The following ZNF776 variants were observed in gnomAD, a reference collection of about 807,000 sequenced individuals.
The protein encoded by ZNF776 is zinc finger protein 776.
In ZNF776, 4 loss-of-function variants were observed where a neutral mutation model predicts 7.0. The ratio of observed to expected loss-of-function variants is 0.57; its 90% confidence interval spans 0.28 to 1.31. The LOEUF (loss-of-function observed/expected upper bound fraction) is 1.31. Among genes scored for constraint, ZNF776 ranks in the 50% most tolerant of loss-of-function variants. ZNF776 has a pLI of 0.10. For synonymous variants in ZNF776, 212 were observed against 213.7 expected (o/e 0.99, Z 0.07); for missense variants, 555 against 625.9 (o/e 0.89, Z 1.21).
chr19:57,749,642 T>C (rs966955863), intron 1 of ZNF776, among the ~76,000 whole-genome samples: 8 of 152,190 alleles, frequency 5.3e-5, no homozygotes, highest in African/African-American at 1.7e-4. Context: ...CACTAGGCTC[T>C]TTTAGATAAT....
intron 2 of ZNF776, among the ~76,000 whole-genome samples, chr19:57,751,682 G>T (rs1489168303): frequency 3.1e-4 from 43 of 138,074 alleles, no homozygotes; most frequent in East Asian, 1.9e-3. Context: ...TTGCTTTTTT[G>T]TTTTTTTTTT....
Position 57,754,724 on chromosome 19 carries a change from A to T in ZNF776, c.*37A>T, listed in dbSNP as rs1330957185. 1.3e-6 allele frequency: 2 copies of T among 1,582,234 alleles called. No homozygotes were observed. The highest frequency in any genetic ancestry group is 2.2e-5 in the East Asian group (1 of 44,566). On this transcript the variant is annotated 3_prime_UTR_variant, in exon 3 of 3. Transcript: ENST00000317178. ...ATCTGTTGGTAAAAAGAGCACCCTC[A>T]TTCAACATTCGTGAGATCACACTGG...
rs367638380 is a variant in ZNF776 at position 57,754,457 on chromosome 19, C to T, written c.1327C>T (p.Gln443Ter). 3.9e-5 allele frequency: 63 copies of T among 1,613,738 alleles called. No individual in the cohort carries two copies. The highest frequency in any genetic ancestry group is 5.2e-5 in the Non-Finnish European group (61 of 1,179,974). The stretch of plus-strand genomic sequence containing the variant: ...TAGAGAATGTGGGAAATGTTTTCAT[C>T]AAAAGGGCAGTCTCATTCAACATCA... ...ECRECGKCFH[Q>*]KGSLIQHQQI... The change falls in exon 3 of 3, where the codon CAA becomes TAA. Residue 443 changes from glutamine (Q) to a stop codon, truncating the protein, a stop_gained. Coordinates refer to ENST00000317178, the MANE Select transcript of ZNF776 (RefSeq NM_173632.4). LOFTEE classifies it low-confidence loss of function (END_TRUNC).
chr19:57,746,888 C>T lies in ZNF776; in HGVS notation c.-171C>T. On this transcript the variant is annotated 5_prime_UTR_variant, in exon 1 of 3. Transcript: ENST00000317178. ...GGAGTGTTGGGTCGTGTAGAAGTGA[C>T]TGAACCCAGAAGGTGGAGACGAGAC... is the stretch of plus-strand genomic sequence containing the variant. 3.4e-6 allele frequency: 2 copies of T among 596,514 alleles called. No individual in the cohort carries two copies. The highest frequency in any genetic ancestry group is 5.8e-6 in the Non-Finnish European group (2 of 344,718). 37.0% of individuals were successfully genotyped at this position (596,514 alleles called of 1,614,324 possible).
At chr19:57,749,905 T>C (rs896534253) in intron 1 of ZNF776, among the ~76,000 whole-genome samples, 6 of 152,248 alleles carry the variant, frequency 3.9e-5, no homozygotes, top group African/African-American at 1.4e-4. Context: ...TGTCCTCTTC[T>C]AGACTTTGAG....
In ZNF776 at chr19:57,750,899, A is replaced by T; in HGVS notation, c.148A>T (p.Ile50Leu). The change falls in exon 2 of 3, where the codon ATA (isoleucine) becomes TTA (leucine). Residue 50 changes from isoleucine to leucine, a missense_variant. By Grantham distance (5) the Ile-to-Leu change is conservative. Transcript: ENST00000317178. ...CGTGATGCTGGAGAACCTGACACTT[A>T]TATCTTCTCTAGGTAAGGCACTCAC... ...HDVMLENLTL[I>L]SSLGCWYGAK... 6.2e-7 allele frequency: 1 copy of T among 1,610,062 alleles called. No individual in the cohort carries two copies. The highest frequency in any genetic ancestry group is 8.5e-7 in the Non-Finnish European group (1 of 1,177,706).
intron 1 of ZNF776, among the ~76,000 whole-genome samples, 180 bp downstream of exon 1, chr19:57,747,271 C>G (rs1986464602): frequency 6.6e-6 from 1 of 152,150 alleles, no homozygotes; most frequent in African/African-American, 2.4e-5. Context: ...GCTACAGGCA[C>G]AGGGAGCGGT....
intron 1 of ZNF776, among the ~76,000 whole-genome samples, chr19:57,750,186 G>A (rs1013614716): frequency 6.6e-6 from 1 of 151,928 alleles, no homozygotes; most frequent in African/African-American, 2.4e-5. Flanking sequence ...CACATTGGGA[G>A]GCTGAGGTGG....
intron 1 of ZNF776, among the ~76,000 whole-genome samples, chr19:57,747,765 C>T (rs1986480537): frequency 6.6e-6 from 1 of 151,814 alleles, no homozygotes; most frequent in Non-Finnish European, 1.5e-5. Context: ...CGCAGGGAAG[C>T]GGAGGGTGTT....
intron 1 of ZNF776, among the ~76,000 whole-genome samples, chr19:57,747,858 T>C (rs1197163398): frequency 6.6e-6 from 1 of 151,862 alleles, no homozygotes; most frequent in Non-Finnish European, 1.5e-5. Flanking sequence ...TTTTTTTTTT[T>C]TTTTAAGTTT....
rs993638552 is a variant in ZNF776 at position 57,755,443 on chromosome 19, A to G, written c.*756A>G. 2.6e-5 allele frequency: 4 copies of G among 152,266 alleles called. No individual in the cohort carries two copies. Among genetic ancestry groups the G allele is most frequent in the Non-Finnish European group, 5.9e-5 (4 of 68,068 alleles). The allele number at this position is 152,266 out of a possible 1,614,324, so 9.4% of individuals were successfully genotyped here. A position where few individuals can be genotyped will look rare whatever the true frequency, so the allele number is the denominator to read the frequency against. On this transcript the variant is annotated 3_prime_UTR_variant, in exon 3 of 3. Coordinates refer to ENST00000317178, the MANE Select transcript of ZNF776 (RefSeq NM_173632.4). ...CTTTATGGTGTGACAAATATGGCACATTCTTTATCTAAATGTCTAACATAT... is the reference window on the plus strand; with the variant it reads ...CTTTATGGTGTGACAAATATGGCACGTTCTTTATCTAAATGTCTAACATAT...
At position 57,753,543 on chromosome 19, in the gene ZNF776, G is replaced by A; in HGVS notation, c.413G>A (p.Gly138Glu). Reference sequence around the variant, plus strand: ...CATCAAGACCAGAAGCAGCACATTGGAGAGAAATCGTACAGAAGCAATGCC... The same window carrying A: ...CATCAAGACCAGAAGCAGCACATTGAAGAGAAATCGTACAGAAGCAATGCC... ...NHHQDQKQHI[G>E]EKSYRSNAKG... Residue 138 changes from glycine to glutamate, a missense_variant, in exon 3 of 3, where the codon GGA becomes GAA. Transcript: ENST00000317178. 6.2e-7 allele frequency: 1 copy of A among 1,614,212 alleles called. No individual in the cohort carries two copies. The highest frequency in any genetic ancestry group is 1.1e-5 in the South Asian group (1 of 91,088).
In ZNF776 at chr19:57,753,954, A is replaced by G. The variant is rs1170530338; in HGVS notation, c.824A>G (p.Tyr275Cys). ...QCGQCDESFWYKAHLTEHQRV... is the reference protein window; with the variant it reads ...QCGQCDESFWCKAHLTEHQRV... ...GGACAATGTGATGAATCATTTTGGTATAAGGCCCACCTCACTGAACACCAG... is the reference window on the plus strand; with the variant it reads ...GGACAATGTGATGAATCATTTTGGTGTAAGGCCCACCTCACTGAACACCAG... The change falls in exon 3 of 3, where the codon TAT becomes TGT. Residue 275 changes from tyrosine (Y) to cysteine (C), a missense_variant. Coordinates refer to ENST00000317178, the MANE Select transcript of ZNF776 (RefSeq NM_173632.4). The G allele has an allele frequency of 6.2e-6, 10 of 1,614,150 alleles. No individual in the cohort carries two copies. Among genetic ancestry groups the G allele is most frequent in the Non-Finnish European group, 8.5e-6 (10 of 1,180,058 alleles).
At chr19:57,749,760 A>G (rs980763913) in intron 1 of ZNF776, among the ~76,000 whole-genome samples, 2 of 152,110 alleles carry the variant, frequency 1.3e-5, no homozygotes, top group Non-Finnish European at 2.9e-5. Flanking sequence ...TGTTATTCAA[A>G]CAAGCCAGTT....
At chr19:57,751,413 G>A (rs1305402460) in intron 2 of ZNF776, among the ~76,000 whole-genome samples, 1 of 152,176 alleles carries the variant, frequency 6.6e-6, no homozygotes, top group African/African-American at 2.4e-5. Context: ...CCAGGCTGGA[G>A]TGCAGTGCTG....
In ZNF776 at chr19:57,754,570, G is replaced by C. The variant is rs1986717946; in HGVS notation, c.1440G>C (p.Gln480His). The C allele has an allele frequency of 1.2e-6, 2 of 1,613,958 alleles. No homozygotes were observed. Among genetic ancestry groups the C allele is most frequent in the Non-Finnish European group, 1.7e-6 (2 of 1,179,978 alleles). Residue 480 changes from glutamine (Q) to histidine (H), a missense_variant, in exon 3 of 3, where the codon CAG (glutamine) becomes CAC (histidine). Physicochemically the swap from Gln to His is conservative, Grantham distance 24. Coordinates refer to ENST00000317178, the MANE Select transcript of ZNF776 (RefSeq NM_173632.4). ...HQKGSLIRHQ[Q>H]IHSGERPHEC... ...AGGGCAGTCTCATTCGACATCAGCAGATTCACTCTGGAGAAAGGCCACATG... is the reference window on the plus strand; with the variant it reads ...AGGGCAGTCTCATTCGACATCAGCACATTCACTCTGGAGAAAGGCCACATG...
chr19:57,756,323 C>T lies in ZNF776; in HGVS notation c.*1636C>T. 6.6e-6 allele frequency: 1 copy of T among 152,284 alleles called. No individual in the cohort carries two copies. The allele number at this position is 152,284 out of a possible 1,614,324, so 9.4% of individuals were successfully genotyped here. On this transcript the variant is annotated 3_prime_UTR_variant, in exon 3 of 3. Transcript: ENST00000317178. ...AAGCTGCCTCTCATTGTTCTGGTTT[C>T]TGCTATGATGAAGTCCTTATTTAAG...
In ZNF776 at chr19:57,758,005, CA is replaced by C. The variant is rs1383560983; in HGVS notation, c.*3320del. The C allele has an allele frequency of 6.6e-6, 1 of 151,966 alleles. No homozygotes were observed. The highest frequency in any genetic ancestry group is 1.5e-5 in the Non-Finnish European group (1 of 67,978). 9.4% of individuals were successfully genotyped at this position (151,966 alleles called of 1,614,324 possible). A position where few individuals can be genotyped will look rare whatever the true frequency, so the allele number is the denominator to read the frequency against. ...CAGGGATGCATATTTTGACATTCAT[CA>C]ATCATGATATATGAGTAGTTCATTC... On this transcript the variant is annotated 3_prime_UTR_variant, in exon 3 of 3. Transcript: ENST00000317178.
chr19:57,754,765 A>T lies in ZNF776; in HGVS notation c.*78A>T. ...ATCACACTGGAAAGCACTTATGAGT[A>T]TGGAGAATGTGCAAAATCATCTAGC... On this transcript the variant is annotated 3_prime_UTR_variant, in exon 3 of 3. Coordinates refer to ENST00000317178, the MANE Select transcript of ZNF776 (RefSeq NM_173632.4). 1.4e-6 allele frequency: 2 copies of T among 1,450,970 alleles called. No homozygotes were observed. Among genetic ancestry groups the T allele is most frequent in the Middle Eastern group, 1.8e-4 (1 of 5,452 alleles). The allele number at this position is 1,450,970 out of a possible 1,614,324, so 89.9% of individuals were successfully genotyped here. A position where few individuals can be genotyped will look rare whatever the true frequency, so the allele number is the denominator to read the frequency against.
Sources: allele counts gnomAD v4.1 joint callset (sites outside exome capture counted in the v4.1 genomes callset), GRCh38; gene constraint gnomAD v4.1.1; transcripts MANE v1.5; gene names NCBI Gene and HGNC (gene_info 2026-07-23, HGNC 2026-07-21).